Variants in CDYL observed in about 807,000 individuals in gnomAD.
CDYL encodes chromodomain Y like.
CDYL carries 8 observed loss-of-function variants against 47.3 expected under a neutral mutation model. The ratio of observed to expected loss-of-function variants is 0.17; its 90% CI spans 0.10 to 0.31. CDYL has a LOEUF of 0.31. Ranked by LOEUF, CDYL falls within the 10% of genes least tolerant of loss-of-function variation. The pLI, the probability that CDYL is intolerant of heterozygous loss-of-function variation, is 1.00. For synonymous variants in CDYL, 266 were observed against 265.0 expected (o/e 1.00, Z -0.04); for missense variants, 471 against 701.4 (o/e 0.67, Z 3.71).
intron 4 of CDYL, among the ~76,000 whole-genome samples, chr6:4,938,380 C>T (rs1399092688): frequency 6.6e-6 from 1 of 152,138 alleles, no homozygotes; most frequent in Non-Finnish European, 1.5e-5. Flanking sequence ...ATCCAACATT[C>T]ATTGGTGTGT....
At chr6:4,839,632 CATG>C (rs1456505065) in intron 1 of CDYL, among the ~76,000 whole-genome samples, 2 of 152,308 alleles carry the variant, frequency 1.3e-5, no homozygotes, top group Admixed American at 1.3e-4. Context: ...CATTCTCCTA[CATG>C]TGGCTTGCCA....
chr6:4,929,991 A>G (rs925169401), intron 2 of CDYL, among the ~76,000 whole-genome samples: 1 of 152,214 alleles, frequency 6.6e-6, no homozygotes, highest in African/African-American at 2.4e-5. Context: ...TGTTAGTTGT[A>G]TATCAGTTTG....
In CDYL at chr6:4,918,348, A is replaced by G. The variant is rs192186796; in HGVS notation, c.692-17167A>G. 4.7e-4 allele frequency among the ~76,000 whole-genome samples: 71 copies of G among 151,826 alleles called. No homozygotes were observed. The East Asian group carries it at 9.9e-3, about 21-fold the overall frequency. Reference sequence around the variant, plus strand: ...TTCTGCCTTATTCTCTGCACTGAAAAGAAAGGTTGGGTGATGTTCTGCCCC... The same window carrying G: ...TTCTGCCTTATTCTCTGCACTGAAAGGAAAGGTTGGGTGATGTTCTGCCCC... On this transcript the variant is annotated intron_variant, in intron 2 of 6. Transcript: ENST00000397588.
chr6:4,743,785 T>C (rs6921792), intron 3 of CDYL, among the ~76,000 whole-genome samples: 72 of 152,350 alleles, frequency 4.7e-4, no homozygotes, highest in African/African-American at 1.7e-3. Flanking sequence ...AATAATATGT[T>C]TAAACATAAT....
intron 3 of CDYL, among the ~76,000 whole-genome samples, chr6:4,751,246 T>G (rs1757984813): frequency 1.3e-5 from 2 of 152,236 alleles, no homozygotes; most frequent in Admixed American, 1.3e-4. Context: ...GTTTATATAC[T>G]TGCTATACAA....
At chr6:4,807,003 C>T (rs1759388554) in intron 1 of CDYL, among the ~76,000 whole-genome samples, 1 of 152,200 alleles carries the variant, frequency 6.6e-6, no homozygotes, top group South Asian at 2.1e-4. Flanking sequence ...TGGATGACAT[C>T]TCTCTGCCGT....
At chr6:4,852,543 C>CCAAT (rs2127464181) in intron 1 of CDYL, among the ~76,000 whole-genome samples, 1 of 119,550 alleles carries the variant, frequency 8.4e-6, no homozygotes, top group African/African-American at 4.0e-5. Context: ...AATCTTCCTT[C>CCAAT]CTTCCTTCCT....
chr6:4,946,599 G>A (rs1398399516), intron 5 of CDYL, among the ~76,000 whole-genome samples: 4 of 152,188 alleles, frequency 2.6e-5, no homozygotes, highest in African/African-American at 4.8e-5. Flanking sequence ...CAGGGGTCTA[G>A]GCTGCCGGCC....
At chr6:4,833,375 G>C (rs1358131506) in intron 1 of CDYL, among the ~76,000 whole-genome samples, 1 of 151,798 alleles carries the variant, frequency 6.6e-6, no homozygotes, top group Non-Finnish European at 1.5e-5. Context: ...CCATGTAGTT[G>C]AGTGGTTTTG....
At chr6:4,900,539 A>G (rs1756996375) in intron 2 of CDYL, among the ~76,000 whole-genome samples, 1 of 151,952 alleles carries the variant, frequency 6.6e-6, no homozygotes, top group African/African-American at 2.4e-5. Context: ...TGTAAACGAT[A>G]AAACACAAGG....
rs574296272 is a variant in CDYL, at chr6:4,846,949, G to A, written c.25-44764G>A. Among the ~76,000 whole-genome samples the A allele has an allele frequency of 6.6e-4, 100 of 152,246 alleles. 1 individual carries two copies. Among genetic ancestry groups the A allele is most frequent in the African/African-American group, 2.3e-3 (96 of 41,546 alleles). Reference sequence around the variant, plus strand: ...TTTTCCCATTTTGGTCAGCAAAGTAGCCCCCTATTAGGTTTCTGCAGTAGT... The same window carrying A: ...TTTTCCCATTTTGGTCAGCAAAGTAACCCCCTATTAGGTTTCTGCAGTAGT... On this transcript the variant is annotated intron_variant, in intron 1 of 6. Coordinates refer to ENST00000397588, the MANE Select transcript of CDYL (RefSeq NM_004824.4).
At chr6:4,846,644 T>C (rs961089218) in intron 1 of CDYL, among the ~76,000 whole-genome samples, 9 of 152,188 alleles carry the variant, frequency 5.9e-5, no homozygotes, top group African/African-American at 2.2e-4. Flanking sequence ...GTGTGAACTC[T>C]GTTCGCTGTA....
chr6:4,869,725 C>T (rs1761421535), intron 1 of CDYL, among the ~76,000 whole-genome samples: 1 of 152,132 alleles, frequency 6.6e-6, no homozygotes, highest in Non-Finnish European at 1.5e-5. Flanking sequence ...TACTTTGTAT[C>T]TCTCCATCTC....
intron 1 of CDYL, among the ~76,000 whole-genome samples, chr6:4,782,418 C>T (rs919758336): frequency 3.3e-5 from 5 of 152,124 alleles, no homozygotes; most frequent in Admixed American, 2.6e-4. Flanking sequence ...CTCGAGGTTC[C>T]TCCTCCCCTA....
intron 1 of CDYL, among the ~76,000 whole-genome samples, chr6:4,858,473 C>G (rs927116219): frequency 2.6e-5 from 4 of 152,222 alleles, no homozygotes; most frequent in Non-Finnish European, 4.4e-5. Flanking sequence ...TCCAGCCGTC[C>G]AGTCACCTGG....
intron 1 of CDYL, among the ~76,000 whole-genome samples, chr6:4,841,197 A>G (rs561130771): frequency 5.3e-4 from 81 of 152,252 alleles, no homozygotes; most frequent in African/African-American, 1.9e-3. Flanking sequence ...GTTTATGTGC[A>G]TAAAGGTGTT....
At chr6:4,774,197 G>C (rs1474657917), upstream of CDYL, among the ~76,000 whole-genome samples, 2 of 152,128 alleles carry the variant, frequency 1.3e-5, no homozygotes, top group Admixed American at 1.3e-4. Flanking sequence ...TGCATAATAG[G>C]CTTATATGTT....
chr6:4,778,937 C>T (rs1043013108), intron 1 of CDYL, among the ~76,000 whole-genome samples: 2 of 152,112 alleles, frequency 1.3e-5, no homozygotes, highest in Non-Finnish European at 2.9e-5. Context: ...GCTCAGTTTC[C>T]TCATCTGTGA....
intron 2 of CDYL, among the ~76,000 whole-genome samples, chr6:4,733,697 T>A (rs1757650514): frequency 6.6e-6 from 1 of 152,152 alleles, no homozygotes; most frequent in African/African-American, 2.4e-5. Context: ...AAGGCAAAGA[T>A]TAATTTTATA....
Sources: gnomAD v4.1 joint callset for allele counts (sites outside exome capture counted in the v4.1 genomes callset) on GRCh38, gnomAD v4.1.1 for gene constraint, MANE v1.5 for transcripts, NCBI Gene and HGNC (gene_info 2026-07-23, HGNC 2026-07-21) for gene names.